PNLIP: variants seen among roughly 807,000 people sequenced by gnomAD.
PNLIP encodes pancreatic lipase, also known as pancreatic triacylglycerol lipase.
A neutral mutation model predicts 57.1 loss-of-function variants in PNLIP; 49 were observed. The ratio of observed to expected loss-of-function variants is 0.86; its 90% CI spans 0.68 to 1.09. PNLIP has a LOEUF of 1.09. Ranked by LOEUF, PNLIP falls within the 50% of genes least tolerant of loss-of-function variation. The pLI is 0.00. For synonymous variants in PNLIP, 209 were observed against 200.4 expected (o/e 1.04, Z -0.36); for missense variants, 503 against 570.2 (o/e 0.88, Z 1.20).
chr10:116,566,034 C>T lies in PNLIP; in HGVS notation c.1335-1701C>T, dbSNP rs76911941. 1.6e-3 allele frequency among the ~76,000 whole-genome samples: 239 copies of T among 152,300 alleles called. No individual in the cohort carries two copies. The East Asian group carries it at 0.026, about 16-fold the overall frequency. On this transcript the variant is annotated intron_variant, in intron 12 of 12. Transcript: ENST00000369221. ...ATGTTGGCCAGGCTGGTCTCGAACC[C>T]CTGACCACAGGTGATCCACCTGCCT...
chr10:116,555,807 AT>A (rs1847247218), intron 8 of PNLIP, among the ~76,000 whole-genome samples, 192 bp from the exon 9 acceptor site: 1 of 152,180 alleles, frequency 6.6e-6, no homozygotes, highest in Non-Finnish European at 1.5e-5. Context: ...AGTATTACCT[AT>A]TATAATCTTA....
chr10:116,552,327 C>T (rs1458095390), intron 5 of PNLIP, among the ~76,000 whole-genome samples: 1 of 152,162 alleles, frequency 6.6e-6, no homozygotes, highest in East Asian at 1.9e-4. Flanking sequence ...GAGATGACAG[C>T]TTCATGCATG....
intron 9 of PNLIP, among the ~76,000 whole-genome samples, 171 bp downstream of exon 9, chr10:116,556,289 A>T (rs1401474674): frequency 6.6e-6 from 1 of 152,218 alleles, no homozygotes; most frequent in East Asian, 1.9e-4. Context: ...TAGAGAAATG[A>T]GCTTGTACAT....
intron 4 of PNLIP, among the ~76,000 whole-genome samples, chr10:116,549,543 G>C (rs1439633328): frequency 1.3e-5 from 2 of 152,078 alleles, no homozygotes; most frequent in Non-Finnish European, 2.9e-5. Flanking sequence ...TCTGCCTCTG[G>C]CTCAAAGCAA....
intron 12 of PNLIP, among the ~76,000 whole-genome samples, chr10:116,566,266 G>A (rs1481862163): frequency 6.6e-6 from 1 of 152,204 alleles, no homozygotes; most frequent in African/African-American, 2.4e-5. Context: ...CAACAATATG[G>A]ATGAATCTCG....
intron 11 of PNLIP, among the ~76,000 whole-genome samples, chr10:116,561,034 G>A (rs540839011): frequency 3.0e-4 from 45 of 152,274 alleles, no homozygotes; most frequent in African/African-American, 7.5e-4. Flanking sequence ...TCAGAATTCA[G>A]TTTCTAAATA....
chr10:116,566,047 G>T (rs959211411), intron 12 of PNLIP, among the ~76,000 whole-genome samples: 1 of 152,216 alleles, frequency 6.6e-6, no homozygotes, highest in Non-Finnish European at 1.5e-5. Context: ...GACCACAGGT[G>T]ATCCACCTGC....
chr10:116,567,713 TTG>T lies in PNLIP; in HGVS notation c.1335-18_1335-17del. 1 of 1,606,250 alleles carries T rather than the reference TTG, an allele frequency of 6.2e-7. No homozygotes were observed. The highest frequency in any genetic ancestry group is 8.5e-7 in the Non-Finnish European group (1 of 1,172,906). ...TATGTGCCAGGAAGAGGAGGTGACT[TTG>T]TGTTGTTTTTTCTCCACAGGTTCAA... On this transcript the variant is annotated intron_variant, in intron 12 of 12. Transcript: ENST00000369221.
Position 116,551,172 on chromosome 10 carries a change from A to G in PNLIP, c.399A>G (p.Gln133=). ...WKGGSRTGYT[Q]ASQNIRIVGA... is the part of the protein sequence containing the mutation. ...GTGGCTCCCGAACTGGATACACACAAGCCTCGCAGAACATCAGGATCGTGG... is the reference window on the plus strand; with the variant it reads ...GTGGCTCCCGAACTGGATACACACAGGCCTCGCAGAACATCAGGATCGTGG... Residue 133 remains glutamine (Q), a synonymous_variant, in exon 5 of 13, where the codon CAA becomes CAG. Coordinates refer to ENST00000369221, the MANE Select transcript of PNLIP (RefSeq NM_000936.4). The G allele has an allele frequency of 1.2e-6, 2 of 1,613,130 alleles. No individual in the cohort carries two copies. The highest frequency in any genetic ancestry group is 1.7e-6 in the Non-Finnish European group (2 of 1,179,488).
chr10:116,563,180 G>A (rs1047231023), intron 12 of PNLIP, among the ~76,000 whole-genome samples: 7 of 152,060 alleles, frequency 4.6e-5, no homozygotes, highest in Admixed American at 2.0e-4. Flanking sequence ...CAGGTTAAGT[G>A]TTTCTCATCC....
chr10:116,551,509 A>G (rs774284869), intron 5 of PNLIP, among the ~76,000 whole-genome samples: 6 of 152,192 alleles, frequency 3.9e-5, no homozygotes, highest in Admixed American at 1.3e-4. Flanking sequence ...TTTTAATTTT[A>G]CTAGTTATTA....
chr10:116,549,886 G>A (rs1372048412), intron 4 of PNLIP, among the ~76,000 whole-genome samples: 1 of 151,986 alleles, frequency 6.6e-6, no homozygotes, highest in African/African-American at 2.4e-5. Flanking sequence ...GCTTTGAGAC[G>A]CAGAAACAAG....
chr10:116,558,152 A>G (rs1847272505), intron 9 of PNLIP, among the ~76,000 whole-genome samples: 1 of 150,300 alleles, frequency 6.7e-6, no homozygotes, highest in African/African-American at 2.4e-5. Context: ...TATTTTGTTT[A>G]TCAGAAGCTG....
Position 116,557,527 on chromosome 10 carries a change from C to T in PNLIP, c.930+1409C>T, listed in dbSNP as rs534100480. Among the ~76,000 whole-genome samples the T allele has an allele frequency of 2.6e-5, 4 of 152,326 alleles. No homozygotes were observed. In the South Asian group the frequency reaches 8.3e-4, roughly 32 times the overall value. On this transcript the variant is annotated intron_variant, in intron 9 of 12. Transcript: ENST00000369221. ...GCCTGTTTTATTGATGGGCACACTG[C>T]TGTATTTAGAGATGACGTCTTGGGC...
intron 2 of PNLIP, among the ~76,000 whole-genome samples, chr10:116,546,759 T>C (rs1195165214): frequency 6.6e-6 from 1 of 152,216 alleles, no homozygotes; most frequent in Non-Finnish European, 1.5e-5. Context: ...TTTGGGTTAT[T>C]TTTTTATGGA....
chr10:116,552,813 G>A (rs1222082413), intron 5 of PNLIP, among the ~76,000 whole-genome samples: 4 of 152,126 alleles, frequency 2.6e-5, no homozygotes, highest in East Asian at 1.9e-4. Context: ...GTGAACCCGG[G>A]AGGTGGAGCT....
intron 8 of PNLIP, 109 bp from the exon 9 acceptor site, chr10:116,555,891 A>G (rs1378895334): frequency 2.8e-6 from 2 of 711,024 alleles, no homozygotes; most frequent in Non-Finnish European, 5.0e-6. Flanking sequence ...TGTGACCTGC[A>G]TGAGCTCACA....
rs1290894044 is a variant in PNLIP, at chr10:116,560,424, TATAAGGTATCTGTC to T, written c.1071_1084del (p.Lys358ThrfsTer18). 1 of 1,582,320 alleles carries T rather than the reference TATAAGGTATCTGTC, an allele frequency of 6.3e-7. No homozygotes were observed. Among genetic ancestry groups the T allele is most frequent in the Non-Finnish European group, 8.6e-7 (1 of 1,161,778 alleles). ...ATTTTTCTCCCTTGCAGGTTGGAGG[TATAAGGTATCTGTC>T]ACACTGTCTGGAAAAAAGGTTACAG... On this transcript the variant is annotated frameshift_variant, in exon 11 of 13. Coordinates refer to ENST00000369221, the MANE Select transcript of PNLIP (RefSeq NM_000936.4). LOFTEE classifies it high-confidence loss of function.
intron 4 of PNLIP, among the ~76,000 whole-genome samples, chr10:116,549,354 C>T (rs889890089): frequency 6.6e-6 from 1 of 152,092 alleles, no homozygotes; most frequent in Non-Finnish European, 1.5e-5. Flanking sequence ...TGGCACGCAC[C>T]TGTAATCCCA....
Sources: gnomAD v4.1 joint callset for allele counts (sites outside exome capture counted in the v4.1 genomes callset) on GRCh38, gnomAD v4.1.1 for gene constraint, MANE v1.5 for transcripts, NCBI Gene and HGNC (gene_info 2026-07-23, HGNC 2026-07-21) for gene names.